Variants in IFT81 observed in about 807,000 individuals in gnomAD.
The protein encoded by IFT81 is intraflagellar transport protein 81 homolog.
IFT81 carries 72 observed loss-of-function variants against 102.6 expected under a neutral mutation model. The observed-to-expected ratio is 0.70, with a 90% confidence interval of 0.58 to 0.85. The LOEUF (loss-of-function observed/expected upper bound fraction) is 0.85. Among genes scored for constraint, IFT81 ranks in the 40% least tolerant of loss-of-function variants. The probability of loss-of-function intolerance (pLI) is 0.00; values close to 1 mark genes in which losing one functional copy is unlikely to be tolerated. For missense variants in IFT81, 723 were observed against 787.3 expected (o/e 0.92, Z 0.98); for synonymous variants, 237 against 242.7 (o/e 0.98, Z 0.22).
intron 14 of IFT81, among the ~76,000 whole-genome samples, chr12:110,197,916 T>A (rs1898086704): frequency 6.6e-6 from 1 of 152,096 alleles, no homozygotes; most frequent in Non-Finnish European, 1.5e-5. Flanking sequence ...TTCTCCATGT[T>A]GGTCAGGCTG....
chr12:110,156,376 C>T (rs1895838616), intron 10 of IFT81, among the ~76,000 whole-genome samples: 1 of 152,138 alleles, frequency 6.6e-6, no homozygotes, highest in African/African-American at 2.4e-5. Flanking sequence ...CTTTTCATTT[C>T]ACCTTTCAGG....
chr12:110,144,279 T>C (rs1170687750), intron 9 of IFT81, among the ~76,000 whole-genome samples: 2 of 151,782 alleles, frequency 1.3e-5, no homozygotes, highest in Non-Finnish European at 2.9e-5. Context: ...TGCAGTAGCG[T>C]GATCTCGGCT....
intron 18 of IFT81, chr12:110,216,866 A>G: frequency 3.4e-6 from 1 of 297,174 alleles, no homozygotes; most frequent in South Asian, 2.9e-5. Context: ...ATAAATAAGT[A>G]TTAGGTTTTA....
chr12:110,179,773 T>TATATATAC (rs774113734), intron 11 of IFT81, among the ~76,000 whole-genome samples: 3 of 50,474 alleles, frequency 5.9e-5, no homozygotes, highest in Non-Finnish European at 8.3e-5. Flanking sequence ...TATATATATA[T>TATATATAC]ACACACACAC....
chr12:110,127,562 A>G (rs1187500136), intron 2 of IFT81, 38 bp downstream of exon 2: 3 of 1,544,510 alleles, frequency 1.9e-6, no homozygotes, highest in South Asian at 2.5e-5. Context: ...GGTAGCAGAA[A>G]GCCAATTTCT....
chr12:110,149,586 G>T (rs1224162687), intron 10 of IFT81, among the ~76,000 whole-genome samples: 1 of 152,188 alleles, frequency 6.6e-6, no homozygotes, highest in Non-Finnish European at 1.5e-5. Flanking sequence ...ATGGGTGTAA[G>T]GTTTTATGGA....
chr12:110,200,513 G>A (rs1486536636), intron 14 of IFT81, among the ~76,000 whole-genome samples: 1 of 152,170 alleles, frequency 6.6e-6, no homozygotes. Flanking sequence ...TTCTCCGGTT[G>A]AGTCAATGAG....
intron 11 of IFT81, among the ~76,000 whole-genome samples, chr12:110,165,042 T>G (rs2137449727): frequency 6.6e-6 from 1 of 152,264 alleles, no homozygotes; most frequent in Non-Finnish European, 1.5e-5. Context: ...TATTAGCCTT[T>G]ATTTTTGAGA....
chr12:110,174,162 C>T (rs1401673890), intron 11 of IFT81, among the ~76,000 whole-genome samples: 1 of 151,076 alleles, frequency 6.6e-6, no homozygotes, highest in Non-Finnish European at 1.5e-5. Context: ...CCTATAGTCC[C>T]AGCTACTCGG....
At chr12:110,161,289 C>A (rs138330374) in intron 10 of IFT81, among the ~76,000 whole-genome samples, 1 of 151,858 alleles carries the variant, frequency 6.6e-6, no homozygotes, top group African/African-American at 2.4e-5. Flanking sequence ...CACAGGTACA[C>A]GCCACCATGC....
At chr12:110,126,492 G>A (rs1300284696) in intron 1 of IFT81, among the ~76,000 whole-genome samples, 1 of 152,060 alleles carries the variant, frequency 6.6e-6, no homozygotes, top group East Asian at 1.9e-4. Flanking sequence ...GGGGTGCGCA[G>A]TCATTTTAGG....
At chr12:110,143,972 T>C (rs1017191421) in intron 9 of IFT81, among the ~76,000 whole-genome samples, 28 of 151,940 alleles carry the variant, frequency 1.8e-4, no homozygotes, top group Non-Finnish European at 4.0e-4. Context: ...TACTAAATAT[T>C]GTAATGCTTA....
At chr12:110,131,740 TC>T (rs1894177296) in intron 4 of IFT81, among the ~76,000 whole-genome samples, 1 of 152,168 alleles carries the variant, frequency 6.6e-6, no homozygotes. Flanking sequence ...ATGATTCTTT[TC>T]CTCTTGGCTC....
intron 8 of IFT81, among the ~76,000 whole-genome samples, chr12:110,137,504 C>T (rs975708707): frequency 9.9e-5 from 15 of 151,804 alleles, no homozygotes; most frequent in African/African-American, 3.6e-4. Context: ...GAGGCTGAGG[C>T]GGGTGGATCA....
At chr12:110,152,802 C>G (rs995916075) in intron 10 of IFT81, among the ~76,000 whole-genome samples, 7 of 152,022 alleles carry the variant, frequency 4.6e-5, no homozygotes, top group African/African-American at 1.7e-4. Context: ...CCTACAGTGC[C>G]CAGTCTGGTC....
chr12:110,140,842 G>A (rs1566111439), intron 8 of IFT81, among the ~76,000 whole-genome samples: 1 of 147,226 alleles, frequency 6.8e-6, no homozygotes, highest in Non-Finnish European at 1.5e-5. Flanking sequence ...TCCTGCCTCA[G>A]CCTCCCAAGT....
chr12:110,143,928 TA>T (rs1455923843), intron 9 of IFT81, among the ~76,000 whole-genome samples: 2 of 152,044 alleles, frequency 1.3e-5, no homozygotes, highest in Non-Finnish European at 2.9e-5. Flanking sequence ...TTAAAGCTAA[TA>T]TTTTTATTAA....
chr12:110,146,923 C>CT (rs565068506), intron 9 of IFT81, 30 bp from the exon 10 acceptor site: 23,193 of 1,101,496 alleles, frequency 0.021, no homozygotes, highest in South Asian at 0.035. Flanking sequence ...AAAGTTTTAA[C>CT]TTTTTTTTTT....
chr12:110,160,408 C>T (rs1373730712), intron 10 of IFT81, among the ~76,000 whole-genome samples: 2 of 152,180 alleles, frequency 1.3e-5, no homozygotes, highest in Non-Finnish European at 2.9e-5. Flanking sequence ...GCTGAAAAAC[C>T]TGGAGTCTGA....
Sources: allele counts gnomAD v4.1 joint callset (sites outside exome capture counted in the v4.1 genomes callset), GRCh38; gene constraint gnomAD v4.1.1; transcripts MANE v1.5; gene names NCBI Gene and HGNC (gene_info 2026-07-23, HGNC 2026-07-21).